DDX10: variants seen among roughly 807,000 people sequenced by gnomAD.
The protein encoded by DDX10 is DEAD-box helicase 10, also known as probable ATP-dependent RNA helicase DDX10.
DDX10 carries 74 observed loss-of-function variants against 104.3 expected under a neutral mutation model. That is an observed-to-expected ratio of 0.71 (90% CI 0.59 to 0.86). DDX10 has a LOEUF of 0.86. Ranked by LOEUF, DDX10 falls within the 40% of genes least tolerant of loss-of-function variation. The pLI is 0.00. For missense variants in DDX10, 952 were observed against 1,040.0 expected (o/e 0.92, Z 1.16); for synonymous variants, 351 against 353.4 (o/e 0.99, Z 0.08).
chr11:108,706,282 A>G (rs1024104461), intron 9 of DDX10, among the ~76,000 whole-genome samples: 4 of 152,082 alleles, frequency 2.6e-5, no homozygotes, highest in African/African-American at 9.7e-5. Flanking sequence ...GAACAGATCT[A>G]TTTCTTATAA....
At chr11:108,730,820 C>T (rs189109053) in intron 13 of DDX10, among the ~76,000 whole-genome samples, 1 of 147,920 alleles carries the variant, frequency 6.8e-6, no homozygotes, top group Non-Finnish European at 1.5e-5. Flanking sequence ...ATAAGAAGTT[C>T]TATCTTTAAA....
chr11:108,745,204 T>TTTCC (rs1269017717), intron 13 of DDX10, among the ~76,000 whole-genome samples: 2 of 128,156 alleles, frequency 1.6e-5, no homozygotes, highest in African/African-American at 5.8e-5. Context: ...TTCCCTTTCG[T>TTTCC]TTCCTTCCTT....
chr11:108,718,982 A>G (rs1017633635), intron 11 of DDX10, among the ~76,000 whole-genome samples: 2 of 152,156 alleles, frequency 1.3e-5, no homozygotes, highest in Admixed American at 6.5e-5. Flanking sequence ...AACTAAATAT[A>G]CTTTACAAAA....
At position 108,723,245 on chromosome 11, in the gene DDX10, A is replaced by G. The variant is rs2094300888; in HGVS notation, c.1748A>G (p.Glu583Gly). 6.2e-7 allele frequency: 1 copy of G among 1,612,178 alleles called. No homozygotes were observed. Among genetic ancestry groups the G allele is most frequent in the South Asian group, 1.1e-5 (1 of 90,926 alleles). Residue 583 changes from glutamate (E) to glycine (G), a missense_variant, in exon 13 of 18, where the codon GAA becomes GGA. Physicochemically the swap from Glu to Gly is moderately conservative, Grantham distance 98. This residue lies in a region of DDX10 where 533 missense variants were observed against 534.1 expected (regional missense o/e 1.00). Transcript: ENST00000322536. ...QDNDTGNEEQEEEEDDEEEME... is the reference protein window; with the variant it reads ...QDNDTGNEEQGEEEDDEEEME... ...AATGATACTGGTAATGAAGAACAGG[A>G]AGAAGAAGAAGACGATGAAGAAGAA...
intron 16 of DDX10, among the ~76,000 whole-genome samples, chr11:108,889,648 T>C (rs1300160795): frequency 6.6e-6 from 1 of 152,180 alleles, no homozygotes; most frequent in Non-Finnish European, 1.5e-5. Flanking sequence ...TACAGCAATA[T>C]ATGGAGAAAC....
intron 13 of DDX10, among the ~76,000 whole-genome samples, chr11:108,766,602 A>C (rs1489785310): frequency 6.6e-6 from 1 of 152,146 alleles, no homozygotes; most frequent in East Asian, 1.9e-4. Context: ...CTTGGGAGTG[A>C]GTTTTATTTG....
At chr11:108,874,543 T>A (rs1863125202) in intron 16 of DDX10, among the ~76,000 whole-genome samples, 1 of 146,416 alleles carries the variant, frequency 6.8e-6, no homozygotes, top group Admixed American at 6.8e-5. Flanking sequence ...ATTTTATTAA[T>A]TTTTTTTTTT....
At chr11:108,748,024 A>C (rs1377348239) in intron 13 of DDX10, among the ~76,000 whole-genome samples, 2 of 152,090 alleles carry the variant, frequency 1.3e-5, no homozygotes, top group Non-Finnish European at 2.9e-5. Flanking sequence ...TGCAAAAAAT[A>C]ATTATAAACT....
intron 17 of DDX10, chr11:108,918,233 A>G (rs1026616075): frequency 3.1e-5 from 18 of 575,428 alleles, no homozygotes; most frequent in East Asian, 1.7e-4. Context: ...GATTATTTCT[A>G]TAATCCCTAT....
At chr11:108,743,532 T>A (rs1255756886) in intron 13 of DDX10, among the ~76,000 whole-genome samples, 1 of 152,172 alleles carries the variant, frequency 6.6e-6, no homozygotes, top group Admixed American at 6.5e-5. Flanking sequence ...TTCTTTTAAA[T>A]ATGGTTGGAA....
chr11:108,828,230 C>A (rs1009577319), intron 13 of DDX10, among the ~76,000 whole-genome samples: 1 of 152,002 alleles, frequency 6.6e-6, no homozygotes, highest in Non-Finnish European at 1.5e-5. Context: ...TTAGTGGTGC[C>A]TTCTGAGATT....
At position 108,932,242 on chromosome 11, in the gene DDX10, C is replaced by G. The variant is rs1419080527; in HGVS notation, c.2451-8004C>G. Among the ~76,000 whole-genome samples, 2 of 151,936 alleles carry G rather than the reference C, an allele frequency of 1.3e-5. 1 individual carries two copies. Among genetic ancestry groups the G allele is most frequent in the African/African-American group, 4.9e-5 (2 of 41,216 alleles). ...TTGGCCAACAGGTATAGTTCGCTGA[C>G]CAGGCTTTCCTATTTAAAGTTTGTA... On this transcript the variant is annotated intron_variant, in intron 17 of 17. Transcript: ENST00000322536.
Position 108,678,420 on chromosome 11 carries a change from G to C in DDX10, c.643G>C (p.Asp215His). 6.2e-7 allele frequency: 1 copy of C among 1,601,100 alleles called. No individual in the cohort carries two copies. Among genetic ancestry groups the C allele is most frequent in the Non-Finnish European group, 8.5e-7 (1 of 1,174,364 alleles). ...TGAAACAGTATCTTTTCATGCTACC[G>C]ACCTCCAAATGTTAGGTGAGTCAAA... ...MDETVSFHAT[D>H]LQMLVLDEAD... Residue 215 changes from aspartate (D) to histidine (H), a missense_variant, in exon 5 of 18, where the codon GAC (aspartate) becomes CAC (histidine). Around this residue, in one of 3 missense-constraint regions of DDX10, gnomAD observed 412 missense variants for 479.2 expected, o/e 0.86. Coordinates refer to ENST00000322536, the MANE Select transcript of DDX10 (RefSeq NM_004398.4).
At chr11:108,882,933 G>A (rs1333294590) in intron 16 of DDX10, among the ~76,000 whole-genome samples, 4 of 152,138 alleles carry the variant, frequency 2.6e-5, no homozygotes, top group African/African-American at 7.2e-5. Flanking sequence ...CATATCCAAA[G>A]TTCTGTTATT....
At chr11:108,757,412 G>A (rs1019283090) in intron 13 of DDX10, among the ~76,000 whole-genome samples, 2 of 151,864 alleles carry the variant, frequency 1.3e-5, no homozygotes, top group Non-Finnish European at 2.9e-5. Context: ...ACTATTTATG[G>A]GATTTGGAAA....
chr11:108,899,575 A>G (rs1243016024), intron 16 of DDX10, among the ~76,000 whole-genome samples: 1 of 152,042 alleles, frequency 6.6e-6, no homozygotes, highest in Non-Finnish European at 1.5e-5. Flanking sequence ...GATAGTTGGT[A>G]CCTTTGTGTC....
chr11:108,683,886 G>C (rs138019573), intron 6 of DDX10, among the ~76,000 whole-genome samples: 2,296 of 152,114 alleles, frequency 0.015, 42 homozygotes, highest in African/African-American at 0.046. Context: ...GTGGGGGGTG[G>C]AGGTTGTGTG....
At chr11:108,789,925 A>ACG (rs1861847801) in intron 13 of DDX10, among the ~76,000 whole-genome samples, 1 of 152,206 alleles carries the variant, frequency 6.6e-6, no homozygotes, top group Non-Finnish European at 1.5e-5. Context: ...CTTGATTAAA[A>ACG]GACCCTGTAA....
intron 13 of DDX10, among the ~76,000 whole-genome samples, chr11:108,794,799 C>T (rs1239919320): frequency 6.6e-6 from 1 of 151,806 alleles, no homozygotes; most frequent in Non-Finnish European, 1.5e-5. Flanking sequence ...GTTTGCGAAA[C>T]CTGTTCCCCT....
Sources: gnomAD v4.1 joint callset for allele counts (sites outside exome capture counted in the v4.1 genomes callset) on GRCh38, gnomAD v4.1.1 for gene constraint, gnomAD v4.1.1 regional missense constraint, MANE v1.5 for transcripts, NCBI Gene and HGNC (gene_info 2026-07-23, HGNC 2026-07-21) for gene names.